The following NOX4 variants were observed in gnomAD, a reference collection of about 807,000 sequenced individuals.
NOX4 encodes the protein kidney oxidase-1.
In NOX4, 69 loss-of-function variants were observed where a neutral mutation model predicts 87.6. The observed-to-expected ratio is 0.79, with a 90% confidence interval of 0.65 to 0.96. NOX4 has a LOEUF of 0.96. Ranked by LOEUF, NOX4 falls within the 40% of genes least tolerant of loss-of-function variation. NOX4 has a pLI of 0.00. For synonymous variants in NOX4, 275 were observed against 238.2 expected, an observed-to-expected ratio of 1.15 and a Z score of -1.42; for missense variants, 680 against 681.5, an observed-to-expected ratio of 1.00 and a Z score of 0.02.
intron 8 of NOX4, among the ~76,000 whole-genome samples, chr11:89,403,995 A>G (rs1317237996): frequency 2.0e-5 from 3 of 152,150 alleles, no homozygotes; most frequent in Non-Finnish European, 4.4e-5. Flanking sequence ...AGCATTCAGT[A>G]CATGTCAGGG....
chr11:89,357,437 C>A (rs1388756202), intron 12 of NOX4, among the ~76,000 whole-genome samples: 1 of 152,108 alleles, frequency 6.6e-6, no homozygotes, highest in Admixed American at 6.6e-5. Flanking sequence ...ATTAACATTT[C>A]TTTCAATCAA....
intron 6 of NOX4, among the ~76,000 whole-genome samples, chr11:89,436,607 A>C (rs2135330926): frequency 6.6e-6 from 1 of 152,292 alleles, no homozygotes; most frequent in African/African-American, 2.4e-5. Context: ...TGTAATTTCT[A>C]GATGAACCTG....
the NOX4 span, among the ~76,000 whole-genome samples, chr11:89,560,255 G>A: frequency 8.6e-4 from 131 of 152,188 alleles, 1 homozygote; most frequent in South Asian, 0.024. Context: ...AATGACCTCC[G>A]TCAGAAGCTA....
intron 2 of NOX4, among the ~76,000 whole-genome samples, chr11:89,460,850 C>T (rs1193651871): frequency 6.6e-6 from 1 of 152,174 alleles, no homozygotes; most frequent in Non-Finnish European, 1.5e-5. Flanking sequence ...TGTAAAGACA[C>T]ATGCACACGT....
chr11:89,379,159 A>G (rs566176598), intron 11 of NOX4, among the ~76,000 whole-genome samples: 2 of 152,288 alleles, frequency 1.3e-5, no homozygotes, highest in South Asian at 4.1e-4. Context: ...ATGGGGAGTG[A>G]TAAGAATAAT....
the NOX4 span, among the ~76,000 whole-genome samples, chr11:89,512,596 G>A: frequency 6.6e-6 from 1 of 152,030 alleles, no homozygotes; most frequent in African/African-American, 2.4e-5. Flanking sequence ...GTCACAAATG[G>A]CAGAATTTCC....
At chr11:89,409,509 C>A (rs186089351) in intron 8 of NOX4, among the ~76,000 whole-genome samples, 4 of 152,180 alleles carry the variant, frequency 2.6e-5, no homozygotes, top group Admixed American at 2.0e-4. Context: ...TACATACAAG[C>A]TATAGAAATG....
chr11:89,488,835 T>G, intron 2 of NOX4: 1 of 541,364 alleles, frequency 1.8e-6, no homozygotes, highest in Non-Finnish European at 3.3e-6. Flanking sequence ...CAAAAAGTTA[T>G]CAGACCTCAT....
At chr11:89,503,375 T>G in the NOX4 span, among the ~76,000 whole-genome samples, 1 of 151,974 alleles carries the variant, frequency 6.6e-6, no homozygotes, top group East Asian at 1.9e-4. Context: ...TAGCAGAATA[T>G]AAACAGGAAA....
the NOX4 span, among the ~76,000 whole-genome samples, chr11:89,508,700 A>C: frequency 6.6e-6 from 1 of 152,032 alleles, no homozygotes; most frequent in East Asian, 1.9e-4. Context: ...CTGCGCCTAC[A>C]ATCTCCCCGG....
At chr11:89,357,588 C>A (rs746718667) in intron 12 of NOX4, among the ~76,000 whole-genome samples, 2 of 152,016 alleles carry the variant, frequency 1.3e-5, no homozygotes, top group African/African-American at 4.8e-5. Context: ...TAAAATGAGT[C>A]TTGAAAAATC....
intron 6 of NOX4, among the ~76,000 whole-genome samples, chr11:89,434,817 T>G (rs1368715208): frequency 1.3e-5 from 2 of 151,990 alleles, no homozygotes; most frequent in Admixed American, 6.6e-5. Context: ...ACAATATACA[T>G]GAATCACAAA....
At chr11:89,445,272 C>A (rs1228873146) in intron 4 of NOX4, among the ~76,000 whole-genome samples, 1 of 151,960 alleles carries the variant, frequency 6.6e-6, no homozygotes, top group Non-Finnish European at 1.5e-5. Flanking sequence ...AGCCTGGAAT[C>A]TAGAAAACTC....
chr11:89,327,333 GC>G (rs1945263000), intron 17 of NOX4, among the ~76,000 whole-genome samples: 1 of 152,102 alleles, frequency 6.6e-6, no homozygotes, highest in Admixed American at 6.6e-5. Context: ...ACACGGATTT[GC>G]AAAAGCAGCG....
chr11:89,476,117 C>A (rs1181665237), intron 2 of NOX4, among the ~76,000 whole-genome samples: 3 of 152,128 alleles, frequency 2.0e-5, no homozygotes, highest in African/African-American at 4.8e-5. Flanking sequence ...CTATACTGTA[C>A]TTTGCAGTTC....
At chr11:89,480,286 C>T (rs1245084815) in intron 2 of NOX4, among the ~76,000 whole-genome samples, 1 of 152,088 alleles carries the variant, frequency 6.6e-6, no homozygotes, top group Admixed American at 6.6e-5. Flanking sequence ...TTTCTTCAAA[C>T]TTTCCTTAAT....
At chr11:89,520,022 T>C in the NOX4 span, among the ~76,000 whole-genome samples, 1 of 151,984 alleles carries the variant, frequency 6.6e-6, no homozygotes, top group Non-Finnish European at 1.5e-5. Flanking sequence ...CCAATTACTA[T>C]GAAGTGTAAA....
At position 89,365,753 on chromosome 11, in the gene NOX4, C is replaced by CAAAAAAAAAAAAAAA. The variant is rs1213376592; in HGVS notation, c.1135+7664_1135+7678dup. Among the ~76,000 whole-genome samples, 6 of 56,642 alleles carry CAAAAAAAAAAAAAAA rather than the reference C, an allele frequency of 1.1e-4. 2 individuals carry two copies. Among genetic ancestry groups the CAAAAAAAAAAAAAAA allele is most frequent in the African/African-American group, 3.4e-4 (5 of 14,850 alleles). The allele number at this position is 56,642 out of a possible 152,430, so 37.2% of individuals were successfully genotyped here. On this transcript the variant is annotated intron_variant, in intron 12 of 17. Transcript: ENST00000263317. ...TTATCCAAGACCAAGACCACGCCCA[C>CAAAAAAAAAAAAAAA]AAAAAAAAAAAAAAAAAAAAAAACA...
At chr11:89,516,892 T>C in the NOX4 span, among the ~76,000 whole-genome samples, 5 of 152,128 alleles carry the variant, frequency 3.3e-5, no homozygotes, top group South Asian at 2.1e-4. Context: ...CAGAAAGCCT[T>C]AAACATGCAA....
Sources: gnomAD v4.1 joint callset for allele counts (sites outside exome capture counted in the v4.1 genomes callset) on GRCh38, gnomAD v4.1.1 for gene constraint, MANE v1.5 for transcripts, NCBI Gene and HGNC (gene_info 2026-07-23, HGNC 2026-07-21) for gene names.